Variants in SUPT16H observed in about 807,000 individuals in gnomAD.
SUPT16H encodes the protein SPT16 homolog, facilitates chromatin remodeling subunit, also known as FACT complex subunit SPT16.
In SUPT16H, 24 loss-of-function variants were observed where a neutral mutation model predicts 136.2. That is an observed-to-expected ratio of 0.18 (90% confidence interval 0.13 to 0.25). SUPT16H has a LOEUF of 0.25. Among genes scored for constraint, SUPT16H ranks in the 10% least tolerant of loss-of-function variants. The pLI, the probability that SUPT16H is intolerant of heterozygous loss-of-function variation, is 1.00. For synonymous variants in SUPT16H, 415 were observed against 428.2 expected, an observed-to-expected ratio of 0.97 and a Z score of 0.38; for missense variants, 623 against 1,270.2, an observed-to-expected ratio of 0.49 and a Z score of 7.74.
rs773988222 is a variant in SUPT16H at position 21,353,740 on chromosome 14, GTCC to G, written c.2880_2882del (p.Glu960del). The G allele has an allele frequency of 1.2e-6, 2 of 1,613,936 alleles. No homozygotes were observed. The highest frequency in any genetic ancestry group is 3.3e-5 in the Admixed American group (2 of 59,974). Reference sequence around the variant, plus strand: ...CTTCTGATGAATAATCTTCATCACTGTCCTCCTCTTCCTCTTCATAGTCATCTT... The same window carrying G: ...CTTCTGATGAATAATCTTCATCACTGTCCTCTTCCTCTTCATAGTCATCTT... On this transcript the variant is annotated inframe_deletion, in exon 24 of 26. Coordinates refer to ENST00000216297, the MANE Select transcript of SUPT16H (RefSeq NM_007192.4).
In SUPT16H at chr14:21,357,910, A is replaced by C. The variant is rs1267813651; in HGVS notation, c.2490+17T>G. ...CTCTAACAATTTTCTTACTAAAAGA[A>C]AGTAAGAAACACTCACCCATTCCGT... On this transcript the variant is annotated intron_variant, in intron 21 of 25. Coordinates refer to ENST00000216297, the MANE Select transcript of SUPT16H (RefSeq NM_007192.4). 1 of 1,606,758 alleles carries C rather than the reference A, an allele frequency of 6.2e-7. No homozygotes were observed. Among genetic ancestry groups the C allele is most frequent in the Admixed American group, 1.7e-5 (1 of 59,492 alleles).
At chr14:21,379,883 AAC>A (rs1237191787) in intron 1 of SUPT16H, among the ~76,000 whole-genome samples, 3 of 4,948 alleles carry the variant, frequency 6.1e-4, no homozygotes, top group African/African-American at 9.0e-4. Context: ...AAACTCAAAA[AAC>A]AAACAAACAA....
rs1312163919 is a variant in SUPT16H at position 21,383,960 on chromosome 14, G to C, written c.-33C>G. 1.9e-6 allele frequency: 3 copies of C among 1,612,058 alleles called. No homozygotes were observed. The highest frequency in any genetic ancestry group is 1.7e-6 in the Non-Finnish European group (2 of 1,179,816). On this transcript the variant is annotated 5_prime_UTR_variant, in exon 1 of 26. Coordinates refer to ENST00000216297, the MANE Select transcript of SUPT16H (RefSeq NM_007192.4). ...GACGCCGCTTCTCCTCGGGTTCCGA[G>C]AATCACGCGAGGTCCCGGCTCAGCC... is the stretch of plus-strand genomic sequence containing the variant.
In SUPT16H at chr14:21,360,457, G is replaced by C; in HGVS notation, c.2133C>G (p.Pro711=). ...YNNIKHALFQ[P]CDGEMIIVLH... is the part of the protein sequence containing the mutation. ...AGACAATAATCATTTCTCCATCACA[G>C]GGCTGGAACAAAGCATGCTTAATAT... The change falls in exon 18 of 26, where the codon CCC becomes CCG. Residue 711 remains proline (P), a synonymous_variant. Transcript: ENST00000216297. 1.9e-6 allele frequency: 3 copies of C among 1,614,064 alleles called. No homozygotes were observed. The highest frequency in any genetic ancestry group is 2.5e-6 in the Non-Finnish European group (3 of 1,179,972).
intron 3 of SUPT16H, among the ~76,000 whole-genome samples, chr14:21,371,055 T>C (rs1329996934): frequency 6.6e-6 from 1 of 151,704 alleles, no homozygotes; most frequent in Non-Finnish European, 1.5e-5. Flanking sequence ...TTTTGTATTT[T>C]TTGTAGAGAT....
chr14:21,372,056 GAC>G lies in SUPT16H; in HGVS notation c.160-14_160-13del. On this transcript the variant is annotated splice_polypyrimidine_tract_variant and intron_variant, in intron 2 of 25. Transcript: ENST00000216297. The stretch of plus-strand genomic sequence containing the variant: ...CCAAAGAGCCATGTCTATGGAAAAA[GAC>G]AACAGTGACAACGGTATTTACAGAT... The G allele has an allele frequency of 6.2e-7, 1 of 1,604,602 alleles. No homozygotes were observed. The highest frequency in any genetic ancestry group is 8.5e-7 in the Non-Finnish European group (1 of 1,176,468).
rs58552845 is a variant in SUPT16H, at chr14:21,378,830, C to G, written c.66+5032G>C. Among the ~76,000 whole-genome samples the G allele has an allele frequency of 3.9e-3, 593 of 152,178 alleles. 3 individuals are homozygous for G. Among genetic ancestry groups the G allele is most frequent in the African/African-American group, 0.014 (564 of 41,534 alleles). On this transcript the variant is annotated intron_variant, in intron 1 of 25. Coordinates refer to ENST00000216297, the MANE Select transcript of SUPT16H (RefSeq NM_007192.4). ...TTTAAGGCTTTTATTAGAACTATGA[C>G]TTTTAAAAAACTATATCTATTACTG... is the stretch of plus-strand genomic sequence containing the variant.
In SUPT16H at chr14:21,381,671, G is replaced by A. The variant is rs143244978; in HGVS notation, c.66+2191C>T. 6.6e-5 allele frequency among the ~76,000 whole-genome samples: 10 copies of A among 151,016 alleles called. No homozygotes were observed. The East Asian group carries it at 2.0e-3, about 29-fold the overall frequency. ...CTCATCCAGGCTGGAGTGCAGTGATGCGATTACAGCTCACTGCAGCCTCAA... is the reference window on the plus strand; with the variant it reads ...CTCATCCAGGCTGGAGTGCAGTGATACGATTACAGCTCACTGCAGCCTCAA... On this transcript the variant is annotated intron_variant, in intron 1 of 25. Transcript: ENST00000216297.
chr14:21,359,709 CAAAAAT>C, intron 18 of SUPT16H, 100 bp from the exon 19 acceptor site: 1 of 1,399,188 alleles, frequency 7.1e-7, no homozygotes, highest in Non-Finnish European at 9.7e-7. Flanking sequence ...AGCATGCATG[CAAAAAT>C]AATTAAACCA....
chr14:21,362,638 G>A (rs1041174004), intron 14 of SUPT16H, among the ~76,000 whole-genome samples, 156 bp downstream of exon 14: 2 of 152,198 alleles, frequency 1.3e-5, no homozygotes, highest in Non-Finnish European at 2.9e-5. Flanking sequence ...ACTGAAAGAG[G>A]AAGGAGAATG....
chr14:21,370,199 C>T, intron 4 of SUPT16H, 137 bp downstream of exon 4: 2 of 1,221,834 alleles, frequency 1.6e-6, no homozygotes, highest in Non-Finnish European at 2.3e-6. Flanking sequence ...AACTGGCACA[C>T]TGCTCAGCCA....
rs368579784 is a variant in SUPT16H at position 21,352,829 on chromosome 14, G to C, written c.2999-11C>G. The C allele has an allele frequency of 6.7e-5, 108 of 1,614,014 alleles. No individual in the cohort carries two copies. The African/African-American group carries it at 1.3e-3, about 20-fold the overall frequency. Reference sequence around the variant, plus strand: ...GACTTTCTCGGTCCGCTAAATAGAAGAGGCATTATTAGTTAGCAATAGGTA... The same window carrying C: ...GACTTTCTCGGTCCGCTAAATAGAACAGGCATTATTAGTTAGCAATAGGTA... On this transcript the variant is annotated splice_polypyrimidine_tract_variant and intron_variant, in intron 25 of 25. Coordinates refer to ENST00000216297, the MANE Select transcript of SUPT16H (RefSeq NM_007192.4).
intron 10 of SUPT16H, among the ~76,000 whole-genome samples, chr14:21,364,329 T>A (rs545139988): frequency 1.3e-5 from 2 of 152,026 alleles, no homozygotes; most frequent in South Asian, 4.2e-4. Context: ...GAGAACGCAG[T>A]TTAGTCATTG....
intron 1 of SUPT16H, among the ~76,000 whole-genome samples, chr14:21,379,173 T>C (rs1886966449): frequency 6.6e-6 from 1 of 152,106 alleles, no homozygotes; most frequent in African/African-American, 2.4e-5. Context: ...TGATGGCTCA[T>C]ATCTGTAATC....
At chr14:21,359,732 G>T in intron 18 of SUPT16H, 123 bp from the exon 19 acceptor site, 1 of 1,116,744 alleles carries the variant, frequency 9.0e-7, no homozygotes, top group Non-Finnish European at 1.2e-6. Context: ...ACCACCCCTG[G>T]TGTCATCATA....
intron 17 of SUPT16H, 31 bp from the exon 18 acceptor site, chr14:21,360,564 G>T (rs754299167): frequency 6.3e-7 from 1 of 1,578,536 alleles, no homozygotes; most frequent in East Asian, 2.2e-5. Flanking sequence ...ATGTCAAGCA[G>T]TATAATTAAG....
chr14:21,358,571 T>TA (rs1886483409), intron 19 of SUPT16H, 144 bp from the exon 20 acceptor site: 2 of 623,530 alleles, frequency 3.2e-6, no homozygotes, highest in African/African-American at 1.8e-5. Flanking sequence ...GCAGGTTTGT[T>TA]ACACAGGTAA....
intron 1 of SUPT16H, among the ~76,000 whole-genome samples, chr14:21,376,737 T>A (rs1279432049): frequency 6.6e-6 from 1 of 152,162 alleles, no homozygotes; most frequent in Non-Finnish European, 1.5e-5. Context: ...AAGTCCTTGA[T>A]GAAGTAAAAA....
intron 17 of SUPT16H, 81 bp from the exon 18 acceptor site, chr14:21,360,614 A>T: frequency 7.5e-7 from 1 of 1,334,708 alleles, no homozygotes; most frequent in Non-Finnish European, 1.1e-6. Context: ...GCTGATTTGC[A>T]CAGGGTCAGA....
Sources: gnomAD v4.1 joint callset for allele counts (sites outside exome capture counted in the v4.1 genomes callset) on GRCh38, gnomAD v4.1.1 for gene constraint, MANE v1.5 for transcripts, NCBI Gene and HGNC (gene_info 2026-07-23, HGNC 2026-07-21) for gene names.